The following DLAT variants were observed in gnomAD, a reference collection of about 807,000 sequenced individuals.
DLAT encodes dihydrolipoamide S-acetyltransferase.
In DLAT, 43 loss-of-function variants were observed where a neutral mutation model predicts 68.0. That is an observed-to-expected ratio of 0.63 (90% CI 0.50 to 0.81). The LOEUF is 0.81. Ranked by LOEUF, DLAT falls within the 40% of genes least tolerant of loss-of-function variation. The pLI is 0.00. For missense variants in DLAT, 745 were observed against 815.4 expected, an observed-to-expected ratio of 0.91 and a Z score of 1.05; for synonymous variants, 265 against 288.6, an observed-to-expected ratio of 0.92 and a Z score of 0.83.
At chr11:112,058,142 T>G (rs1864222504) in intron 11 of DLAT, among the ~76,000 whole-genome samples, 1 of 152,238 alleles carries the variant, frequency 6.6e-6, no homozygotes, top group African/African-American at 2.4e-5. Context: ...ATTTACTTGT[T>G]CATACACCCA....
At position 112,037,294 on chromosome 11, in the gene DLAT, G is replaced by C; in HGVS notation, c.809G>C (p.Gly270Ala). Residue 270 changes from glycine (G) to alanine (A), a missense_variant, in exon 6 of 14, where the codon GGT becomes GCT. Coordinates refer to ENST00000280346, the MANE Select transcript of DLAT (RefSeq NM_001931.5). Reference protein sequence around the residue: ...ATIGFEVQEEGYLAKILVPEG... With the variant: ...ATIGFEVQEEAYLAKILVPEG... ...TAAGGTTTTGAAGTACAGGAAGAAG[G>C]TTATCTGGCAAAAATCCTGGTCCCT... 6.2e-7 allele frequency: 1 copy of C among 1,614,128 alleles called. No individual in the cohort carries two copies. Among genetic ancestry groups the C allele is most frequent in the Non-Finnish European group, 8.5e-7 (1 of 1,180,016 alleles).
chr11:112,053,282 A>G (rs1423830570), intron 11 of DLAT, among the ~76,000 whole-genome samples: 1 of 152,120 alleles, frequency 6.6e-6, no homozygotes. Context: ...AGATTGTGCC[A>G]TTGCAGTCCA....
In DLAT at chr11:112,027,143, C is replaced by T. The variant is rs587655058; in HGVS notation, c.381+844C>T. Among the ~76,000 whole-genome samples the T allele has an allele frequency of 2.2e-3, 336 of 150,864 alleles. 3 individuals are homozygous for T. The highest frequency in any genetic ancestry group is 0.021 in the Middle Eastern group (6 of 282). On this transcript the variant is annotated intron_variant, in intron 2 of 13. Coordinates refer to ENST00000280346, the MANE Select transcript of DLAT (RefSeq NM_001931.5). ...GCGGAGGGGCTCCTCACTTCTCAGACGGGGTGGCTGCCGGGCGGAGGGGCT... is the reference window on the plus strand; with the variant it reads ...GCGGAGGGGCTCCTCACTTCTCAGATGGGGTGGCTGCCGGGCGGAGGGGCT...
At position 112,051,309 on chromosome 11, in the gene DLAT, C is replaced by G. The variant is rs1374987167; in HGVS notation, c.1474C>G (p.Pro492Ala). Residue 492 changes from proline (P) to alanine (A), a missense_variant, in exon 11 of 14, where the codon CCC becomes GCC. Pro to Ala is a conservative substitution (Grantham distance 27). Coordinates refer to ENST00000280346, the MANE Select transcript of DLAT (RefSeq NM_001931.5). This position sits in a 1 kb window ranked among gnomAD's most constrained non-coding sequence, Gnocchi z 4.3. ...TTCAGCTTTGGCATGTTTAAAAGTT[C>G]CCGAAGCAAATTCTTCTTGGATGGA... is the stretch of plus-strand genomic sequence containing the variant. ...KASALACLKV[P>A]EANSSWMDTV... 1.9e-6 allele frequency: 3 copies of G among 1,613,624 alleles called. No homozygotes were observed. Among genetic ancestry groups the G allele is most frequent in the Non-Finnish European group, 2.5e-6 (3 of 1,179,962 alleles).
intron 1 of DLAT, 43 bp from the exon 2 acceptor site, chr11:112,026,151 TTAGG>T: frequency 7.3e-7 from 1 of 1,361,158 alleles, no homozygotes; most frequent in Non-Finnish European, 1.0e-6. Flanking sequence ...AGACTGAGAG[TTAGG>T]TAGTCCTTAA....
intron 5 of DLAT, 135 bp downstream of exon 5, chr11:112,033,665 A>T (rs1555180150): frequency 1.0e-6 from 1 of 992,438 alleles, no homozygotes. Context: ...CTGGGACAGA[A>T]TATTTTATTT....
In DLAT at chr11:112,045,210, C is replaced by T. The variant is rs1555181364; in HGVS notation, c.1270C>T (p.Pro424Ser). 1.9e-6 allele frequency: 3 copies of T among 1,613,844 alleles called. No individual in the cohort carries two copies. The highest frequency in any genetic ancestry group is 2.5e-6 in the Non-Finnish European group (3 of 1,179,894). Residue 424 changes from proline (P) to serine (S), a missense_variant, in exon 9 of 14, where the codon CCA becomes TCA. By Grantham distance (74) the Pro-to-Ser change is moderately conservative (BLOSUM62 -1). Coordinates refer to ENST00000280346, the MANE Select transcript of DLAT (RefSeq NM_001931.5). Reference protein sequence around the residue: ...PVPTGVFTDIPISNIRRVIAQ... With the variant: ...PVPTGVFTDISISNIRRVIAQ... ...TCCTACAGGTGTCTTCACAGATATC[C>T]CAATCAGCAACATTCGTCGGGTAAG...
chr11:112,045,423 C>T (rs190904237), intron 9 of DLAT, among the ~76,000 whole-genome samples, 193 bp downstream of exon 9: 19 of 152,290 alleles, frequency 1.2e-4, no homozygotes, highest in Admixed American at 5.9e-4. Context: ...CGCAGTAGCT[C>T]ATGCCTGTAA....
At chr11:112,057,721 T>C (rs781855129) in intron 11 of DLAT, among the ~76,000 whole-genome samples, 20 of 152,150 alleles carry the variant, frequency 1.3e-4, no homozygotes, top group Non-Finnish European at 2.8e-4. Context: ...AAGGAGGCCA[T>C]AATAACATAA....
intron 1 of DLAT, among the ~76,000 whole-genome samples, 195 bp downstream of exon 1, chr11:112,025,946 C>T (rs1861973613): frequency 6.6e-6 from 1 of 152,224 alleles, no homozygotes; most frequent in African/African-American, 2.4e-5. Flanking sequence ...AGGAGAGCTT[C>T]AAGACTGGGG....
In DLAT at chr11:112,043,451, T is replaced by A; in HGVS notation, c.1130-15T>A. The stretch of plus-strand genomic sequence containing the variant: ...TGGTATGTCATCATGTATGTGATAT[T>A]TATGTCTCTTACAGGGACAGGACCA... On this transcript the variant is annotated splice_polypyrimidine_tract_variant and intron_variant, in intron 7 of 13. Coordinates refer to ENST00000280346, the MANE Select transcript of DLAT (RefSeq NM_001931.5). 6.2e-7 allele frequency: 1 copy of A among 1,611,860 alleles called. No individual in the cohort carries two copies. The highest frequency in any genetic ancestry group is 8.5e-7 in the Non-Finnish European group (1 of 1,177,888).
At chr11:112,049,885 C>T (rs1324784557) in intron 10 of DLAT, among the ~76,000 whole-genome samples, 2 of 152,270 alleles carry the variant, frequency 1.3e-5, no homozygotes, top group African/African-American at 2.4e-5. Flanking sequence ...CCTTTTATTT[C>T]CTTTCTTGCC....
chr11:112,028,010 C>T (rs1184646687), intron 2 of DLAT, among the ~76,000 whole-genome samples: 1 of 152,148 alleles, frequency 6.6e-6, no homozygotes, highest in Admixed American at 6.5e-5. Context: ...GCCTAATTGA[C>T]TGAACATTGA....
chr11:112,028,872 C>T lies in DLAT; in HGVS notation c.587C>T (p.Thr196Ile), dbSNP rs1555179698. 1.5e-5 allele frequency: 25 copies of T among 1,614,046 alleles called. No individual in the cohort carries two copies. Among genetic ancestry groups the T allele is most frequent in the Non-Finnish European group, 1.9e-5 (23 of 1,180,048 alleles). The change falls in exon 4 of 14, where the codon ACC becomes ATC. Residue 196 changes from threonine to isoleucine, a missense_variant. Physicochemically the swap from Thr to Ile is moderately conservative, Grantham distance 89. Transcript: ENST00000280346. The stretch of plus-strand genomic sequence containing the variant: ...ACCCCACAAGCGGCCCCAGCACCAA[C>T]CCCTGCTGCCACTGCTTCGCCACCT... ...APTPQAAPAP[T>I]PAATASPPTP...
intron 7 of DLAT, among the ~76,000 whole-genome samples, chr11:112,042,820 A>C (rs138231312): frequency 6.6e-6 from 1 of 152,348 alleles, no homozygotes; most frequent in East Asian, 1.9e-4. Context: ...GGGCCAGTTT[A>C]GAGCCTTGGC....
chr11:112,060,613 C>T (rs906041993), intron 12 of DLAT, among the ~76,000 whole-genome samples: 6 of 151,884 alleles, frequency 4.0e-5, no homozygotes, highest in Non-Finnish European at 8.8e-5. Context: ...CACCACTGCA[C>T]CTGACTAATT....
Position 112,064,006 on chromosome 11 carries a change from T to C in DLAT, c.*1471T>C. The C allele has an allele frequency of 1.6e-6, 1 of 612,572 alleles. No individual in the cohort carries two copies. The highest frequency in any genetic ancestry group is 2.7e-6 in the Non-Finnish European group (1 of 368,112). 37.9% of individuals were successfully genotyped at this position (612,572 alleles called of 1,614,324 possible). On this transcript the variant is annotated 3_prime_UTR_variant, in exon 14 of 14. Coordinates refer to ENST00000280346, the MANE Select transcript of DLAT (RefSeq NM_001931.5). ...TTATTACATGGTACACAAGTGACAC[T>C]CCATATATTCCACACAGACTTTTAC...
chr11:112,026,384 C>T (rs1326149396), intron 2 of DLAT, 85 bp downstream of exon 2: 4 of 741,730 alleles, frequency 5.4e-6, no homozygotes, highest in East Asian at 4.0e-5. Flanking sequence ...GGGGATTTGG[C>T]AGGGTCATAG....
Position 112,045,852 on chromosome 11 carries a change from T to G in DLAT, c.1291-11T>G. On this transcript the variant is annotated splice_polypyrimidine_tract_variant and intron_variant, in intron 9 of 13. Transcript: ENST00000280346. ...CAAGATAATTGATTTTTTAAATCTC[T>G]TTGGTTTCAGGTTATTGCACAGCGA... The G allele has an allele frequency of 4.5e-6, 7 of 1,563,708 alleles. No homozygotes were observed. The highest frequency in any genetic ancestry group is 6.2e-6 in the Non-Finnish European group (7 of 1,134,396).
Sources: allele counts gnomAD v4.1 joint callset (sites outside exome capture counted in the v4.1 genomes callset), GRCh38; gene constraint gnomAD v4.1.1; non-coding constraint Gnocchi (gnomAD v3.1); transcripts MANE v1.5; gene names NCBI Gene and HGNC (gene_info 2026-07-23, HGNC 2026-07-21).